Variants in TMC5 observed in about 807,000 individuals in gnomAD.
TMC5 encodes the protein transmembrane channel-like protein 5.
Under a neutral mutation model 110.5 loss-of-function variants are expected in TMC5, and 86 were observed. That is an observed-to-expected ratio of 0.78 (90% CI 0.65 to 0.93). The LOEUF (loss-of-function observed/expected upper bound fraction) is 0.93, where lower values mean the gene tolerates loss of function less well. Ranked by LOEUF, TMC5 falls within the 40% of genes least tolerant of loss-of-function variation. The probability of loss-of-function intolerance (pLI) is 0.00; values close to 1 mark genes in which losing one functional copy is unlikely to be tolerated. For synonymous variants in TMC5, 455 were observed against 439.5 expected (o/e 1.04, Z -0.44); for missense variants, 1,144 against 1,222.8 (o/e 0.94, Z 0.96).
chr16:19,443,818 T>G (rs1239426751), intron 3 of TMC5, among the ~76,000 whole-genome samples: 1 of 151,832 alleles, frequency 6.6e-6, no homozygotes, highest in African/African-American at 2.4e-5. Flanking sequence ...GATGAATACA[T>G]GAATGAATGG....
chr16:19,481,815 A>G (rs564890989), intron 15 of TMC5, among the ~76,000 whole-genome samples: 16 of 152,042 alleles, frequency 1.1e-4, no homozygotes, highest in Non-Finnish European at 2.2e-4. Context: ...CTTACTTCCA[A>G]TGTGATGGAG....
intron 9 of TMC5, among the ~76,000 whole-genome samples, chr16:19,468,900 G>GA (rs1968253564): frequency 6.6e-6 from 1 of 152,182 alleles, no homozygotes; most frequent in Non-Finnish European, 1.5e-5. Context: ...GCTGTGGCGT[G>GA]AGGATGGCTT....
At position 19,498,281 on chromosome 16, in the gene TMC5, T is replaced by C. The variant is rs1969107561; in HGVS notation, c.*315T>C. On this transcript the variant is annotated 3_prime_UTR_variant, in exon 22 of 22. Transcript: ENST00000542583. ...TAATGTATATTATCTTCAAGAAGTG[T>C]GTGCAGGAATGATTGGTTCTTAGAA... The C allele has an allele frequency of 3.4e-6, 1 of 296,112 alleles. No homozygotes were observed. The highest frequency in any genetic ancestry group is 6.4e-6 in the Non-Finnish European group (1 of 157,378). 18.3% of individuals were successfully genotyped at this position (296,112 alleles called of 1,614,324 possible).
At chr16:19,411,023 C>G (rs1413952845) in exon 1 of TMC5, 1 of 152,296 alleles carries the variant, frequency 6.6e-6, no homozygotes, top group Non-Finnish European at 1.5e-5. Context: ...GGCTCCAGCC[C>G]CAGACCGCCG....
intron 18 of TMC5, 54 bp from the exon 19 acceptor site, chr16:19,492,096 C>A: frequency 1.4e-6 from 2 of 1,420,142 alleles, no homozygotes. Context: ...AGTGGAAATT[C>A]AGAGCCTGCA....
At chr16:19,416,181 G>A (rs1966876059), upstream of TMC5, among the ~76,000 whole-genome samples, 1 of 145,974 alleles carries the variant, frequency 6.9e-6, no homozygotes, top group African/African-American at 2.6e-5. Context: ...GCAAGAGCCT[G>A]TCTCAAAGGA....
At chr16:19,457,722 T>TTTTTTC (rs1967920367) in intron 5 of TMC5, among the ~76,000 whole-genome samples, 1 of 90,572 alleles carries the variant, frequency 1.1e-5, no homozygotes, top group East Asian at 2.5e-4. Flanking sequence ...TTTTTTTTTT[T>TTTTTTC]TTTTTTTTTT....
rs557497285 is a variant in TMC5 at position 19,412,532 on chromosome 16, A to AT, written c.-308+1363dup. 8.5e-4 allele frequency among the ~76,000 whole-genome samples: 129 copies of AT among 151,938 alleles called. 2 individuals carry two copies. The Middle Eastern group carries it at 0.031, about 36-fold the overall frequency. On this transcript the variant is annotated intron_variant, in intron 1 of 20. Coordinates refer to the TMC5 transcript ENST00000381414. ...AGGTGCCCACCACCAGGCCTGGCTA[A>AT]TTTTTTTGTATTTTTAGTAGAGATG...
At chr16:19,423,245 G>A (rs1005404339) in intron 1 of TMC5, among the ~76,000 whole-genome samples, 2 of 152,132 alleles carry the variant, frequency 1.3e-5, no homozygotes, top group Non-Finnish European at 2.9e-5. Context: ...GGCTGTGGGG[G>A]CTGTCTTGTG....
In TMC5 at chr16:19,490,485, G is replaced by T; in HGVS notation, c.2664G>T (p.Arg888=). 1 of 1,614,090 alleles carries T rather than the reference G, an allele frequency of 6.2e-7. No homozygotes were observed. Among genetic ancestry groups the T allele is most frequent in the Non-Finnish European group, 8.5e-7 (1 of 1,180,018 alleles). Reference sequence around the variant, plus strand: ...GCTGGATCGACACCCTAAGTACACGGCCTGGCTACCTGTGGGTTGTTTGGA... The same window carrying T: ...GCTGGATCGACACCCTAAGTACACGTCCTGGCTACCTGTGGGTTGTTTGGA... ...IYSWIDTLST[R]PGYLWVVWIY... is the part of the protein sequence containing the mutation. Residue 888 remains arginine, a synonymous_variant, in exon 18 of 22, where the codon CGG becomes CGT. Coordinates refer to ENST00000542583, the MANE Select transcript of TMC5 (RefSeq NM_001261841.2).
Position 19,440,421 on chromosome 16 carries a change from A to T in TMC5, c.383A>T (p.Tyr128Phe). The T allele has an allele frequency of 6.2e-7, 1 of 1,614,094 alleles. No homozygotes were observed. The highest frequency in any genetic ancestry group is 8.5e-7 in the Non-Finnish European group (1 of 1,180,018). Reference sequence around the variant, plus strand: ...CGAGCATCATCCAGACAACCAGACTACCCTGGATCTCAACGAAATCCTGAT... The same window carrying T: ...CGAGCATCATCCAGACAACCAGACTTCCCTGGATCTCAACGAAATCCTGAT... ...YHRASSRQPD[Y>F]PGSQRNPDFA... Residue 128 changes from tyrosine (Y) to phenylalanine (F), a missense_variant, in exon 3 of 22, where the codon TAC becomes TTC. By Grantham distance (22) the Tyr-to-Phe change is conservative. Coordinates refer to ENST00000542583, the MANE Select transcript of TMC5 (RefSeq NM_001261841.2).
intron 13 of TMC5, among the ~76,000 whole-genome samples, chr16:19,478,682 C>A (rs1345063755): frequency 6.6e-6 from 1 of 152,142 alleles, no homozygotes; most frequent in Admixed American, 6.5e-5. Flanking sequence ...ATTTATTCAT[C>A]CACGTATTCA....
At chr16:19,492,925 TATATATATCTCTCTATAA>T (rs1212204790) in intron 19 of TMC5, among the ~76,000 whole-genome samples, 3 of 114,426 alleles carry the variant, frequency 2.6e-5, no homozygotes, top group Non-Finnish European at 6.0e-5. Context: ...GATATATATA[TATATATATCTCTCTATAA>T]GATAAATACT....
At chr16:19,424,829 T>A (rs781403442) in intron 1 of TMC5, among the ~76,000 whole-genome samples, 2 of 152,202 alleles carry the variant, frequency 1.3e-5, no homozygotes, top group African/African-American at 2.4e-5. Flanking sequence ...TGAGGGTTTT[T>A]ATGGAGGTTC....
rs770269933 is a variant in TMC5, at chr16:19,474,106, T to C, written c.1939-19T>C. On this transcript the variant is annotated intron_variant, in intron 11 of 21. Coordinates refer to ENST00000542583, the MANE Select transcript of TMC5 (RefSeq NM_001261841.2). ...CAGTGTACAAGTCAGCCCTCCGTTC[T>C]CTCCCCCATCCCCTGCAGTTCCTGA... The C allele has an allele frequency of 6.2e-7, 1 of 1,611,418 alleles. No homozygotes were observed. Among genetic ancestry groups the C allele is most frequent in the Non-Finnish European group, 8.5e-7 (1 of 1,179,148 alleles).
chr16:19,418,354 T>C (rs1966903469), intron 1 of TMC5, among the ~76,000 whole-genome samples: 1 of 152,144 alleles, frequency 6.6e-6, no homozygotes, highest in Admixed American at 6.5e-5. Flanking sequence ...GGTCTAACTG[T>C]GGGATTCTGG....
intron 18 of TMC5, among the ~76,000 whole-genome samples, chr16:19,490,877 C>T (rs1229912608): frequency 1.0e-5 from 1 of 97,624 alleles, no homozygotes; most frequent in Admixed American, 1.1e-4. Flanking sequence ...TTTCTTCCTT[C>T]CTTCCTTCCT....
At chr16:19,420,754 C>T (rs1278119373) in intron 1 of TMC5, among the ~76,000 whole-genome samples, 3 of 152,158 alleles carry the variant, frequency 2.0e-5, no homozygotes, top group Non-Finnish European at 2.9e-5. Context: ...TGAGCCATCT[C>T]GCCTGTCTGA....
At chr16:19,467,067 G>T (rs565643591) in intron 9 of TMC5, among the ~76,000 whole-genome samples, 1 of 152,048 alleles carries the variant, frequency 6.6e-6, no homozygotes, top group Admixed American at 6.6e-5. Flanking sequence ...AATCACCTGA[G>T]CCCATTAGGT....
Sources: gnomAD v4.1 joint callset for allele counts (sites outside exome capture counted in the v4.1 genomes callset) on GRCh38, gnomAD v4.1.1 for gene constraint, MANE v1.5 for transcripts, NCBI Gene and HGNC (gene_info 2026-07-23, HGNC 2026-07-21) for gene names.